Variants in CCDC125 observed in about 807,000 individuals in gnomAD.
The protein encoded by CCDC125 is coiled-coil domain containing 125, also known as coiled-coil domain-containing protein 125.
A neutral mutation model predicts 57.4 loss-of-function variants in CCDC125; 43 were observed. That is an observed-to-expected ratio of 0.75 (90% CI 0.59 to 0.97). CCDC125 has a LOEUF of 0.97. Ranked by LOEUF, CCDC125 falls within the 50% of genes least tolerant of loss-of-function variation. The pLI is 0.00. For synonymous variants in CCDC125, 187 were observed against 195.2 expected, an observed-to-expected ratio of 0.96 and a Z score of 0.35; for missense variants, 563 against 595.7, an observed-to-expected ratio of 0.95 and a Z score of 0.57.
intron 1 of CCDC125, among the ~76,000 whole-genome samples, chr5:69,330,866 T>A (rs1217713933): frequency 6.6e-6 from 1 of 152,118 alleles, no homozygotes; most frequent in Non-Finnish European, 1.5e-5. Flanking sequence ...TCCTAATTGG[T>A]CTACTTCAAG....
intron 2 of CCDC125, among the ~76,000 whole-genome samples, chr5:69,318,879 A>G (rs1037131762): frequency 6.6e-6 from 1 of 151,560 alleles, no homozygotes; most frequent in Non-Finnish European, 1.5e-5. Context: ...ATCACTCACT[A>G]TCCCTTCACT....
downstream of CCDC125, among the ~76,000 whole-genome samples, chr5:69,275,780 C>A (rs535930067): frequency 9.9e-5 from 15 of 152,200 alleles, no homozygotes; most frequent in Non-Finnish European, 2.1e-4. Flanking sequence ...TCAAGACAAG[C>A]CTGGCCAATA....
At chr5:69,275,173 A>C in the CCDC125 span, among the ~76,000 whole-genome samples, 3 of 152,054 alleles carry the variant, frequency 2.0e-5, no homozygotes, top group African/African-American at 7.2e-5. Flanking sequence ...TATCTACAGC[A>C]CTATAGTAGG....
Position 69,315,450 on chromosome 5 carries a change from C to CAAA in CCDC125, c.305-1407_305-1405dup, listed in dbSNP as rs1359288696. On this transcript the variant is annotated intron_variant, in intron 2 of 11. Transcript: ENST00000396496. ...GAGATTCTGTCTCAAAAAAAAAAAA[C>CAAA]AAAAAAAAAAACAAAAAAAAAAAAG... 2.1e-3 allele frequency among the ~76,000 whole-genome samples: 10 copies of CAAA among 4,868 alleles called. 1 individual carries two copies. Among genetic ancestry groups the CAAA allele is most frequent in the Admixed American group, 0.01 (3 of 296 alleles). The allele number at this position is 4,868 out of a possible 152,430, so 3.2% of individuals were successfully genotyped here. A position where few individuals can be genotyped will look rare whatever the true frequency, so the allele number is the denominator to read the frequency against.
At chr5:69,310,973 T>C (rs1758034443) in intron 4 of CCDC125, 145 bp downstream of exon 4, 4 of 475,080 alleles carry the variant, frequency 8.4e-6, no homozygotes, top group Non-Finnish European at 1.5e-5. Context: ...TCAGGATATA[T>C]AAATTATAAA....
Position 69,292,371 on chromosome 5 carries a change from GAA to G in CCDC125, c.925-11_925-10del. ...TTCTGCAAAATTTCCAACTGATTTT[GAA>G]AGACAGTTTGGGAGGTGTCAGAGGC... On this transcript the variant is annotated splice_polypyrimidine_tract_variant and intron_variant, in intron 9 of 11. Transcript: ENST00000396496. 6.2e-7 allele frequency: 1 copy of G among 1,609,628 alleles called. No individual in the cohort carries two copies. The highest frequency in any genetic ancestry group is 8.5e-7 in the Non-Finnish European group (1 of 1,178,282).
In CCDC125 at chr5:69,280,613, A is replaced by G. The variant is rs1752417274; in HGVS notation, c.*2116T>C. The G allele has an allele frequency of 6.6e-6, 1 of 152,204 alleles. No individual in the cohort carries two copies. Among genetic ancestry groups the G allele is most frequent in the African/African-American group, 2.4e-5 (1 of 41,466 alleles). 9.4% of individuals were successfully genotyped at this position (152,204 alleles called of 1,614,324 possible). ...CAAAATACTCCTTTTCTTTTGCAAT[A>G]AATTATGCTGCATCTCCTTTGCTGT... On this transcript the variant is annotated 3_prime_UTR_variant, in exon 12 of 12. Transcript: ENST00000396496.
At chr5:69,279,386 C>T (rs374004333), downstream of CCDC125, among the ~76,000 whole-genome samples, 126 of 152,048 alleles carry the variant, frequency 8.3e-4, no homozygotes, top group East Asian at 1.7e-3. Flanking sequence ...TTAGTAGAGA[C>T]GGGGTTTCAC....
At chr5:69,306,590 A>C (rs189462416) in intron 6 of CCDC125, among the ~76,000 whole-genome samples, 6 of 152,294 alleles carry the variant, frequency 3.9e-5, no homozygotes, top group African/African-American at 1.4e-4. Context: ...AGTGCCAAAG[A>C]TTCCCAAAAG....
intron 8 of CCDC125, among the ~76,000 whole-genome samples, chr5:69,298,373 T>G (rs1014862536): frequency 6.6e-6 from 1 of 152,188 alleles, no homozygotes; most frequent in African/African-American, 2.4e-5. Flanking sequence ...TTTAAGAGGC[T>G]TTTCAGAGAG....
At chr5:69,298,311 G>A (rs1441951083) in intron 8 of CCDC125, among the ~76,000 whole-genome samples, 1 of 152,186 alleles carries the variant, frequency 6.6e-6, no homozygotes, top group Non-Finnish European at 1.5e-5. Flanking sequence ...ACCGCGCCCG[G>A]CCCCTGTTGC....
At chr5:69,327,812 A>C (rs1479091504) in intron 1 of CCDC125, among the ~76,000 whole-genome samples, 1 of 152,212 alleles carries the variant, frequency 6.6e-6, no homozygotes, top group East Asian at 1.9e-4. Flanking sequence ...TTAGGGGACT[A>C]GATTTTTGGT....
At chr5:69,297,501 A>G (rs1755563128) in intron 8 of CCDC125, among the ~76,000 whole-genome samples, 1 of 151,726 alleles carries the variant, frequency 6.6e-6, no homozygotes, top group Admixed American at 6.6e-5. Flanking sequence ...CTGGGATTAC[A>G]GGCATACACC....
chr5:69,292,976 G>A (rs1220612974), intron 9 of CCDC125, among the ~76,000 whole-genome samples: 1 of 151,650 alleles, frequency 6.6e-6, no homozygotes, highest in Non-Finnish European at 1.5e-5. Flanking sequence ...GAGTAGCTGG[G>A]ACTATAGGCG....
rs745733305 is a variant in CCDC125 at position 69,282,095 on chromosome 5, TTGGTCAGAC to T, written c.*625_*633del. On this transcript the variant is annotated 3_prime_UTR_variant, in exon 12 of 12. Coordinates refer to ENST00000396496, the MANE Select transcript of CCDC125 (RefSeq NM_176816.5). ...TTAGTAGAGATGGGGTTTCTCCATG[TTGGTCAGAC>T]TGGTCTTGAACTCCAGCCTCAGGTG... 1 of 152,100 alleles carries T rather than the reference TTGGTCAGAC, an allele frequency of 6.6e-6. No individual in the cohort carries two copies. Among genetic ancestry groups the T allele is most frequent in the Non-Finnish European group, 1.5e-5 (1 of 68,018 alleles). The allele number at this position is 152,100 out of a possible 1,614,324, so 9.4% of individuals were successfully genotyped here.
At chr5:69,283,070 CAAT>C in intron 11 of CCDC125, 36 bp from the exon 12 acceptor site, 1 of 1,464,032 alleles carries the variant, frequency 6.8e-7, no homozygotes, top group Non-Finnish European at 9.2e-7. Flanking sequence ...ACAAGTTAGT[CAAT>C]AAATCACAGA....
At chr5:69,289,745 C>T (rs187232140) in intron 10 of CCDC125, among the ~76,000 whole-genome samples, 100 of 151,726 alleles carry the variant, frequency 6.6e-4, no homozygotes, top group African/African-American at 2.4e-3. Flanking sequence ...TGCCTGAAGT[C>T]CCAGCTGCTA....
intron 9 of CCDC125, among the ~76,000 whole-genome samples, chr5:69,293,514 G>C (rs1754824119): frequency 6.6e-6 from 1 of 151,912 alleles, no homozygotes; most frequent in Non-Finnish European, 1.5e-5. Context: ...ACTGGGAGTG[G>C]TGGCAGGCGC....
chr5:69,298,712 G>C (rs11748974), intron 8 of CCDC125, among the ~76,000 whole-genome samples: 2 of 152,034 alleles, frequency 1.3e-5, no homozygotes, highest in East Asian at 1.9e-4. Flanking sequence ...TGGAGGTAAG[G>C]CTGGCCCATA....
Sources: allele counts gnomAD v4.1 joint callset (sites outside exome capture counted in the v4.1 genomes callset), GRCh38; gene constraint gnomAD v4.1.1; transcripts MANE v1.5; gene names NCBI Gene and HGNC (gene_info 2026-07-23, HGNC 2026-07-21).